Variants in STARD3NL observed in about 807,000 individuals in gnomAD.
The protein encoded by STARD3NL is STARD3 N-terminal-like protein.
In STARD3NL, 17 loss-of-function variants were observed where a neutral mutation model predicts 30.9. The observed-to-expected ratio is 0.55, with a 90% CI of 0.38 to 0.82. The LOEUF (loss-of-function observed/expected upper bound fraction) is 0.82. Ranked by LOEUF, STARD3NL falls within the 40% of genes least tolerant of loss-of-function variation. The probability of loss-of-function intolerance (pLI) is 0.00; values close to 1 mark genes in which losing one functional copy is unlikely to be tolerated. For missense variants in STARD3NL, 234 were observed against 277.6 expected (o/e 0.84, Z 1.12); for synonymous variants, 112 against 100.5 (o/e 1.11, Z -0.69).
intron 1 of STARD3NL, among the ~76,000 whole-genome samples, chr7:38,196,101 G>C (rs2116070853): frequency 6.6e-6 from 1 of 152,306 alleles, no homozygotes; most frequent in African/African-American, 2.4e-5. Context: ...TGACCAGCCT[G>C]TTGTTTCCTT....
At chr7:38,222,596 C>T (rs867455177) in intron 7 of STARD3NL, among the ~76,000 whole-genome samples, 25 of 152,282 alleles carry the variant, frequency 1.6e-4, no homozygotes, top group South Asian at 4.1e-4. Flanking sequence ...AGTAGTGATA[C>T]GAGGAACACG....
At chr7:38,180,520 T>C (rs979254853) in intron 1 of STARD3NL, among the ~76,000 whole-genome samples, 18 of 152,226 alleles carry the variant, frequency 1.2e-4, no homozygotes, top group African/African-American at 4.3e-4. Context: ...TGCCTTTTTT[T>C]AGTACCTACG....
intron 1 of STARD3NL, among the ~76,000 whole-genome samples, chr7:38,200,106 G>A (rs1315184337): frequency 1.3e-5 from 2 of 152,166 alleles, no homozygotes; most frequent in Non-Finnish European, 2.9e-5. Flanking sequence ...TTTAAGAGAG[G>A]CTACCTTAGG....
intron 7 of STARD3NL, among the ~76,000 whole-genome samples, chr7:38,225,953 A>G (rs978723941): frequency 2.6e-5 from 4 of 152,218 alleles, no homozygotes; most frequent in Non-Finnish European, 5.9e-5. Flanking sequence ...AATTTGAGAA[A>G]TTTGAACCAT....
At chr7:38,224,216 A>G (rs1360506176) in intron 7 of STARD3NL, among the ~76,000 whole-genome samples, 3 of 152,196 alleles carry the variant, frequency 2.0e-5, no homozygotes, top group Non-Finnish European at 2.9e-5. Flanking sequence ...ATGGACATTT[A>G]GATTGTTTCC....
intron 1 of STARD3NL, chr7:38,179,151 C>T (rs1192064186): frequency 6.6e-6 from 1 of 152,150 alleles, no homozygotes; most frequent in Admixed American, 6.5e-5. Context: ...GCAAGGTAAC[C>T]AAGTAACGGG....
chr7:38,206,228 A>G (rs900537594), intron 1 of STARD3NL, among the ~76,000 whole-genome samples: 2 of 152,322 alleles, frequency 1.3e-5, no homozygotes, highest in Non-Finnish European at 2.9e-5. Flanking sequence ...TTACCTAGAC[A>G]TTGCCAGTCA....
chr7:38,219,196 A>ACTAC (rs948735494), intron 6 of STARD3NL, among the ~76,000 whole-genome samples: 4 of 152,008 alleles, frequency 2.6e-5, no homozygotes, highest in African/African-American at 9.7e-5. Context: ...ACAGGCATGC[A>ACTAC]CTACCACACT....
At chr7:38,212,005 C>T (rs546523170) in intron 2 of STARD3NL, among the ~76,000 whole-genome samples, 2 of 152,132 alleles carry the variant, frequency 1.3e-5, no homozygotes, top group Non-Finnish European at 2.9e-5. Flanking sequence ...TCCACTGTTT[C>T]CAGCTTCAAC....
intron 1 of STARD3NL, among the ~76,000 whole-genome samples, chr7:38,189,913 A>G (rs1196587855): frequency 6.6e-6 from 1 of 152,180 alleles, no homozygotes; most frequent in Non-Finnish European, 1.5e-5. Context: ...ATTCTGTTTT[A>G]TAGCATGATT....
At chr7:38,207,807 C>A in intron 2 of STARD3NL, 78 bp downstream of exon 2, 1 of 1,284,008 alleles carries the variant, frequency 7.8e-7, no homozygotes, top group Admixed American at 2.1e-5. Context: ...TTTCTCTTAT[C>A]ATTTGTTTCA....
At chr7:38,200,802 G>T (rs1012282953) in intron 1 of STARD3NL, among the ~76,000 whole-genome samples, 3 of 152,176 alleles carry the variant, frequency 2.0e-5, no homozygotes, top group Non-Finnish European at 4.4e-5. Flanking sequence ...GGGATGGGGA[G>T]TAGAGCCTGT....
Position 38,228,838 on chromosome 7 carries a change from C to T in STARD3NL, c.689C>T (p.Pro230Leu). The T allele has an allele frequency of 6.2e-7, 1 of 1,612,598 alleles. No individual in the cohort carries two copies. Among genetic ancestry groups the T allele is most frequent in the Non-Finnish European group, 8.5e-7 (1 of 1,179,180 alleles). ...GAAGAAAAACAGGACAGTGAGAAAC[C>T]ACTTTTAGAACTATGAGTACTACTT... ...EAEEKQDSEK[P>L]LLEL The change falls in exon 8 of 9, where the codon CCA becomes CTA. Residue 230 changes from proline to leucine, a missense_variant. Transcript: ENST00000009041.
At chr7:38,220,822 A>G (rs10480165) in intron 7 of STARD3NL, among the ~76,000 whole-genome samples, 33,102 of 152,236 alleles carry the variant, frequency 0.22, 3,999 homozygotes, top group Admixed American at 0.33. Flanking sequence ...AGGAATGGAA[A>G]GCTGGGCACA....
At chr7:38,223,851 G>A (rs1176571051) in intron 7 of STARD3NL, among the ~76,000 whole-genome samples, 1 of 152,112 alleles carries the variant, frequency 6.6e-6, no homozygotes. Flanking sequence ...CATTGTAAAT[G>A]TATAATTGCA....
chr7:38,215,521 C>A (rs57234454), intron 4 of STARD3NL: 13,413 of 165,378 alleles, frequency 0.081, 1,924 homozygotes, highest in African/African-American at 0.3. Flanking sequence ...CCCCTCCTTT[C>A]TTCCCCACAA....
chr7:38,193,140 A>G (rs533116767), intron 1 of STARD3NL, among the ~76,000 whole-genome samples: 2 of 152,298 alleles, frequency 1.3e-5, no homozygotes, highest in South Asian at 4.1e-4. Flanking sequence ...CCTGCCTCCA[A>G]TTAAAAACCA....
chr7:38,217,067 A>T lies in STARD3NL; in HGVS notation c.424A>T (p.Ile142Phe). Residue 142 changes from isoleucine (I) to phenylalanine (F), a missense_variant, in exon 5 of 9, where the codon ATC becomes TTC. Transcript: ENST00000009041. ...VTSAFLLAKV[I>F]LSKLFSQGAF... ...CAGTGCCTTTTTACTAGCAAAAGTG[A>T]TCCTTTCGAAGGTATGGCCTACCAC... The T allele has an allele frequency of 6.2e-7, 1 of 1,614,040 alleles. No homozygotes were observed. Among genetic ancestry groups the T allele is most frequent in the Non-Finnish European group, 8.5e-7 (1 of 1,179,952 alleles).
At chr7:38,187,036 A>AG (rs1784489369) in intron 1 of STARD3NL, among the ~76,000 whole-genome samples, 1 of 152,064 alleles carries the variant, frequency 6.6e-6, no homozygotes, top group Non-Finnish European at 1.5e-5. Context: ...AAAAAAAAAA[A>AG]AGAGAAACAA....
Sources: gnomAD v4.1 joint callset for allele counts (sites outside exome capture counted in the v4.1 genomes callset) on GRCh38, gnomAD v4.1.1 for gene constraint, MANE v1.5 for transcripts, NCBI Gene and HGNC (gene_info 2026-07-23, HGNC 2026-07-21) for gene names.